The following TRAK1 variants were observed in gnomAD, a reference collection of about 807,000 sequenced individuals.
TRAK1 encodes the protein trafficking kinesin-binding protein 1.
TRAK1 carries 33 observed loss-of-function variants against 92.1 expected under a neutral mutation model. The ratio of observed to expected loss-of-function variants is 0.36; its 90% CI spans 0.27 to 0.48. TRAK1 has a LOEUF of 0.48. Ranked by LOEUF, TRAK1 falls within the 20% of genes least tolerant of loss-of-function variation. The pLI, the probability that TRAK1 is intolerant of heterozygous loss-of-function variation, is 0.99. For missense variants in TRAK1, 1,123 were observed against 1,257.9 expected, an observed-to-expected ratio of 0.89 and a Z score of 1.62; for synonymous variants, 521 against 517.3, an observed-to-expected ratio of 1.01 and a Z score of -0.10.
At chr3:42,028,377 A>T (rs934817565) in intron 1 of TRAK1, among the ~76,000 whole-genome samples, 3 of 152,202 alleles carry the variant, frequency 2.0e-5, no homozygotes, top group Admixed American at 1.3e-4. Flanking sequence ...TAGATCAGTG[A>T]TTGCTAAGTG....
chr3:42,033,387 C>T (rs1702219529), intron 1 of TRAK1, among the ~76,000 whole-genome samples: 1 of 152,164 alleles, frequency 6.6e-6, no homozygotes, highest in South Asian at 2.1e-4. Flanking sequence ...GATCTGTGAT[C>T]TTGGTAGCCT....
Position 42,128,880 on chromosome 3 carries a change from A to G in TRAK1, c.286+3266A>G, listed in dbSNP as rs1710938774. On this transcript the variant is annotated intron_variant, in intron 2 of 15. Coordinates refer to ENST00000327628, the MANE Select transcript of TRAK1 (RefSeq NM_001042646.3). ...TGTTATAGGTGAAATGGACGTGTGGAAGGCTGAGTGTTGTGGAATACACTG... is the reference window on the plus strand; with the variant it reads ...TGTTATAGGTGAAATGGACGTGTGGGAGGCTGAGTGTTGTGGAATACACTG... Among the ~76,000 whole-genome samples the G allele has an allele frequency of 2.6e-5, 4 of 152,322 alleles. No individual in the cohort carries two copies. The South Asian group carries it at 8.3e-4, about 32-fold the overall frequency.
intron 1 of TRAK1, among the ~76,000 whole-genome samples, chr3:42,054,357 G>A (rs556880400): frequency 6.6e-6 from 1 of 152,294 alleles, no homozygotes; most frequent in East Asian, 1.9e-4. Context: ...CTGGTAGGCA[G>A]AGGCAAGGAG....
At chr3:42,217,950 T>A in intron 14 of TRAK1, 2 of 985,280 alleles carry the variant, frequency 2.0e-6, no homozygotes, top group Non-Finnish European at 2.4e-6. Context: ...TATTTTTATG[T>A]GTTTTTTTTT....
At chr3:42,216,491 G>T (rs3774389) in intron 14 of TRAK1, among the ~76,000 whole-genome samples, 41,497 of 152,056 alleles carry the variant, frequency 0.27, 6,632 homozygotes, top group East Asian at 0.35. Context: ...AAGAGTGAAA[G>T]TAAGAGTGGT....
intron 2 of TRAK1, among the ~76,000 whole-genome samples, chr3:42,133,114 T>C (rs1697432211): frequency 6.6e-6 from 1 of 152,208 alleles, no homozygotes; most frequent in South Asian, 2.1e-4. Flanking sequence ...CTGTACTCTT[T>C]GGACCCAGCA....
chr3:42,119,826 G>C (rs1374494352), intron 1 of TRAK1, among the ~76,000 whole-genome samples: 1 of 152,170 alleles, frequency 6.6e-6, no homozygotes, highest in Non-Finnish European at 1.5e-5. Flanking sequence ...TGACCAAAAG[G>C]AAGAAGTGGC....
rs182842841 is a variant in TRAK1, at chr3:42,221,652, C to T, written c.2067-1290C>T. On this transcript the variant is annotated intron_variant, in intron 15 of 15. Transcript: ENST00000327628. ...CAGCTCCTAGGGACCATGCAGCTGA[C>T]CTGCTCCAAGGCACACTGGCAGCCC... 2.1e-3 allele frequency among the ~76,000 whole-genome samples: 324 copies of T among 152,308 alleles called. 1 individual carries two copies. Among genetic ancestry groups the T allele is most frequent in the Non-Finnish European group, 3.9e-3 (263 of 68,010 alleles).
At chr3:42,132,111 T>TG (rs1453806930) in intron 2 of TRAK1, among the ~76,000 whole-genome samples, 7 of 152,222 alleles carry the variant, frequency 4.6e-5, no homozygotes, top group African/African-American at 1.7e-4. Context: ...ACCAGTCCCC[T>TG]GCAGATACCA....
At chr3:42,029,334 G>A (rs1281510111) in intron 1 of TRAK1, among the ~76,000 whole-genome samples, 1 of 152,166 alleles carries the variant, frequency 6.6e-6, no homozygotes, top group Non-Finnish European at 1.5e-5. Flanking sequence ...AACCTTCTGG[G>A]CTTGAGTGAT....
At chr3:42,098,093 CCCTCCTCCTCA>C (rs1203576887) in intron 1 of TRAK1, among the ~76,000 whole-genome samples, 1 of 152,052 alleles carries the variant, frequency 6.6e-6, no homozygotes, top group Non-Finnish European at 1.5e-5. Context: ...CTCTCCCCTC[CCCTCCTCCTCA>C]CCCTGATATC....
In TRAK1 at chr3:42,154,259, G is replaced by T. The variant is rs190804641; in HGVS notation, c.287-22555G>T. Among the ~76,000 whole-genome samples the T allele has an allele frequency of 6.1e-3, 926 of 151,342 alleles. 6 individuals are homozygous for T. Among genetic ancestry groups the T allele is most frequent in the African/African-American group, 0.021 (874 of 41,204 alleles). Reference sequence around the variant, plus strand: ...ACGATCTCAGCTCACTGCAATGTCTGCCTCCCAAGTTCAAGCGATTCTCCT... The same window carrying T: ...ACGATCTCAGCTCACTGCAATGTCTTCCTCCCAAGTTCAAGCGATTCTCCT... On this transcript the variant is annotated intron_variant, in intron 2 of 15. Transcript: ENST00000327628.
intron 2 of TRAK1, chr3:42,146,291 C>G (rs1370058695): frequency 3.3e-6 from 1 of 305,488 alleles, no homozygotes; most frequent in Non-Finnish European, 6.7e-6. Context: ...TCTTGCCATT[C>G]TTCCAGAGTT....
At chr3:42,138,876 G>GGTGTGTGTGTGTGTGTGTGTGT (rs60025099) in intron 2 of TRAK1, among the ~76,000 whole-genome samples, 1 of 118,774 alleles carries the variant, frequency 8.4e-6, no homozygotes, top group Non-Finnish European at 1.7e-5. Flanking sequence ...AAGCATAGGG[G>GGTGTGTGTGTGTGTGTGTGTGT]GTGTGTGTGT....
At chr3:42,206,348 G>A (rs934906698) in intron 13 of TRAK1, among the ~76,000 whole-genome samples, 4 of 152,154 alleles carry the variant, frequency 2.6e-5, no homozygotes, top group African/African-American at 7.2e-5. Flanking sequence ...GCACAGTCAG[G>A]TTTGAGAAAG....
chr3:42,205,513 G>C (rs1176434470), intron 13 of TRAK1, among the ~76,000 whole-genome samples: 1 of 152,202 alleles, frequency 6.6e-6, no homozygotes, highest in Non-Finnish European at 1.5e-5. Flanking sequence ...TACCTTACCA[G>C]TTTTAAGCAG....
chr3:42,022,270 G>GGAAAACATCTTTCTATTTGA, intron 1 of TRAK1, among the ~76,000 whole-genome samples: 1 of 152,200 alleles, frequency 6.6e-6, no homozygotes, highest in African/African-American at 2.4e-5. Context: ...TATATATTTG[G>GGAAAACATCTTTCTATTTGA]GAAAACATCT....
At chr3:42,113,753 T>C (rs1294485265) in intron 1 of TRAK1, among the ~76,000 whole-genome samples, 1 of 150,818 alleles carries the variant, frequency 6.6e-6, no homozygotes, top group African/African-American at 2.4e-5. Flanking sequence ...GGGATCTCAC[T>C]ATGTTGCCCA....
intron 1 of TRAK1, among the ~76,000 whole-genome samples, chr3:42,030,204 C>A (rs1258735704): frequency 1.3e-5 from 2 of 150,646 alleles, no homozygotes; most frequent in Non-Finnish European, 3.0e-5. Flanking sequence ...GAGGCTGAGA[C>A]AGGAGGATAG....
Sources: gnomAD v4.1 joint callset for allele counts (sites outside exome capture counted in the v4.1 genomes callset) on GRCh38, gnomAD v4.1.1 for gene constraint, MANE v1.5 for transcripts, NCBI Gene and HGNC (gene_info 2026-07-23, HGNC 2026-07-21) for gene names.